The following ANAPC2 variants were observed in gnomAD, a reference collection of about 807,000 sequenced individuals.
The protein encoded by ANAPC2 is anaphase promoting complex subunit 2.
In ANAPC2, 29 loss-of-function variants were observed where a neutral mutation model predicts 84.3. That is an observed-to-expected ratio of 0.34 (90% CI 0.26 to 0.47). The LOEUF is 0.47. ANAPC2 is among the 20% of genes least tolerant of loss of function. ANAPC2 has a pLI of 1.00. For synonymous variants in ANAPC2, 571 were observed against 479.4 expected, an observed-to-expected ratio of 1.19 and a Z score of -2.50; for missense variants, 857 against 1,131.7, an observed-to-expected ratio of 0.76 and a Z score of 3.48.
In ANAPC2 at chr9:137,175,172, C is replaced by G; in HGVS notation, c.2257-18G>C. ...CAGAAGAGCTGCGGACACAGGCCAG[C>G]CCCCGTCAGGCACCTGCAGGCCTCG... On this transcript the variant is annotated intron_variant, in intron 12 of 12. Coordinates refer to ENST00000323927, the MANE Select transcript of ANAPC2 (RefSeq NM_013366.4). 1 of 1,602,878 alleles carries G rather than the reference C, an allele frequency of 6.2e-7. No individual in the cohort carries two copies. The highest frequency in any genetic ancestry group is 8.5e-7 in the Non-Finnish European group (1 of 1,175,414).
chr9:137,188,200 G>A, intron 1 of ANAPC2, 97 bp from the exon 2 acceptor site: 1 of 1,465,748 alleles, frequency 6.8e-7, no homozygotes, highest in Non-Finnish European at 9.1e-7. Flanking sequence ...CAAAAACTCC[G>A]CTGCCCCCTG....
At chr9:137,180,605 GC>G (rs1834323560) in intron 8 of ANAPC2, 78 bp from the exon 9 acceptor site, 4 of 1,593,002 alleles carry the variant, frequency 2.5e-6, no homozygotes, top group Non-Finnish European at 3.4e-6. Flanking sequence ...GCACGGGGGT[GC>G]CCCCCAGGCA....
In ANAPC2 at chr9:137,180,819, G is replaced by A. The variant is rs141269608; in HGVS notation, c.1579C>T (p.Leu527=). The change falls in exon 8 of 13, where the codon CTG becomes TTG. Residue 527 remains leucine, a synonymous_variant. Transcript: ENST00000323927. The part of the protein sequence containing the change: ...NEYRSLLADR[L]LHQFSFSPER... ...GGGCTGAAGCTGAACTGGTGCAGCA[G>A]GCGGTCGGCCAGCAGCGAGCGGTAC... 3.6e-4 allele frequency: 574 copies of A among 1,612,580 alleles called. 10 individuals carry two copies. The South Asian group carries it at 6.0e-3, about 17-fold the overall frequency.
In ANAPC2 at chr9:137,186,261, C is replaced by A. The variant is rs1834466757; in HGVS notation, c.836G>T (p.Gly279Val). 6.2e-7 allele frequency: 1 copy of A among 1,612,600 alleles called. No homozygotes were observed. The highest frequency in any genetic ancestry group is 8.5e-7 in the Non-Finnish European group (1 of 1,179,978). Residue 279 changes from glycine to valine, a missense_variant, in exon 3 of 13, where the codon GGC (glycine) becomes GTC (valine). Physicochemically the swap from Gly to Val is moderately radical, Grantham distance 109. Around this residue, in one of 3 missense-constraint regions of ANAPC2, gnomAD observed 428 missense variants for 513.8 expected, o/e 0.83. Coordinates refer to ENST00000323927, the MANE Select transcript of ANAPC2 (RefSeq NM_013366.4). The part of the protein sequence containing the change: ...TRERMEDRCR[G>V]EYERSFLREF... ...ACGCAGGAAGGAGCGCTCGTACTCG[C>A]CCCGGCAACGGTCCTCCATCCTCTC...
At position 137,188,539 on chromosome 9, in the gene ANAPC2, C is replaced by T. The variant is rs769058672; in HGVS notation, c.-7G>A. On this transcript the variant is annotated 5_prime_UTR_variant, in exon 1 of 13. Coordinates refer to ENST00000323927, the MANE Select transcript of ANAPC2 (RefSeq NM_013366.4). ...CCACAACTGCCGCCGCCATCTGCAC[C>T]CACCGACTCCGAGATTCGCTCGGCG... 1.2e-6 allele frequency: 2 copies of T among 1,602,994 alleles called. No individual in the cohort carries two copies. The highest frequency in any genetic ancestry group is 1.1e-5 in the South Asian group (1 of 90,500).
chr9:137,179,836 C>T (rs1057059472), intron 10 of ANAPC2, among the ~76,000 whole-genome samples: 2 of 152,226 alleles, frequency 1.3e-5, no homozygotes, highest in African/African-American at 4.8e-5. Flanking sequence ...TTCTGAGAGG[C>T]AGAGGGTGGA....
At chr9:137,180,610 C>A in intron 8 of ANAPC2, 83 bp from the exon 9 acceptor site, 2 of 1,590,700 alleles carry the variant, frequency 1.3e-6, no homozygotes, top group Non-Finnish European at 1.7e-6. Flanking sequence ...GGGGTGCCCC[C>A]CAGGCAGAGC....
In ANAPC2 at chr9:137,174,841, A is replaced by G. The variant is rs1490946934; in HGVS notation, c.*101T>C. On this transcript the variant is annotated 3_prime_UTR_variant, in exon 13 of 13. Transcript: ENST00000323927. This position sits in a 1 kb window ranked among gnomAD's most constrained non-coding sequence, Gnocchi z 6.1. The stretch of plus-strand genomic sequence containing the variant: ...GGGGGTGGGGGTGGGCATGCTCCTC[A>G]GCAGTGCATTCTGGGACACGGGCGG... 3.5e-6 allele frequency: 5 copies of G among 1,423,008 alleles called. No individual in the cohort carries two copies. Among genetic ancestry groups the G allele is most frequent in the Non-Finnish European group, 4.6e-6 (5 of 1,079,666 alleles). The allele number at this position is 1,423,008 out of a possible 1,614,324, so 88.1% of individuals were successfully genotyped here. A position where few individuals can be genotyped will look rare whatever the true frequency, so the allele number is the denominator to read the frequency against.
At chr9:137,183,414 G>A in intron 5 of ANAPC2, 172 bp from the exon 6 acceptor site, 1 of 755,154 alleles carries the variant, frequency 1.3e-6, no homozygotes. Flanking sequence ...GTCCCGCCCT[G>A]CAGGGAGGTC....
chr9:137,184,485 C>A (rs1382649135), intron 4 of ANAPC2, among the ~76,000 whole-genome samples: 2 of 130,334 alleles, frequency 1.5e-5, no homozygotes, highest in South Asian at 5.0e-4. Flanking sequence ...AGAGCAGACA[C>A]GGCGAAGGCA....
chr9:137,176,774 C>G (rs967735063), intron 10 of ANAPC2: 5 of 152,276 alleles, frequency 3.3e-5, no homozygotes, highest in African/African-American at 1.2e-4. Flanking sequence ...GGCTGCTGCT[C>G]TGCTGTTGGG....
rs1215735048 is a variant in ANAPC2 at position 137,175,164 on chromosome 9, C to T, written c.2257-10G>A. The T allele has an allele frequency of 1.2e-6, 2 of 1,604,192 alleles. No individual in the cohort carries two copies. Among genetic ancestry groups the T allele is most frequent in the Admixed American group, 1.7e-5 (1 of 59,130 alleles). ...TGTACGTCCAGAAGAGCTGCGGACA[C>T]AGGCCAGCCCCCGTCAGGCACCTGC... On this transcript the variant is annotated splice_polypyrimidine_tract_variant and intron_variant, in intron 12 of 12. Transcript: ENST00000323927.
At chr9:137,180,120 G>A (rs1834310387) in intron 10 of ANAPC2, 61 bp downstream of exon 10, 1 of 1,537,920 alleles carries the variant, frequency 6.5e-7, no homozygotes. Flanking sequence ...AGGCTGCTGG[G>A]AGCCCCGCAG....
chr9:137,180,123 C>A, intron 10 of ANAPC2, 58 bp downstream of exon 10: 1 of 1,552,920 alleles, frequency 6.4e-7, no homozygotes, highest in Non-Finnish European at 8.8e-7. Flanking sequence ...CTGCTGGGAG[C>A]CCCGCAGTGC....
Position 137,175,431 on chromosome 9 carries a change from G to C in ANAPC2, c.2062C>G (p.Pro688Ala). 1 of 1,601,264 alleles carries C rather than the reference G, an allele frequency of 6.2e-7. No individual in the cohort carries two copies. Among genetic ancestry groups the C allele is most frequent in the East Asian group, 2.3e-5 (1 of 44,208 alleles). The change falls in exon 12 of 13, where the codon CCC becomes GCC. Residue 688 changes from proline to alanine, a missense_variant. Around this residue, in one of 3 missense-constraint regions of ANAPC2, gnomAD observed 425 missense variants for 595.5 expected, o/e 0.71. Coordinates refer to ENST00000323927, the MANE Select transcript of ANAPC2 (RefSeq NM_013366.4). ...LEELSKAVKM[P>A]VALLRRRMSV... ...ATCCGCCGCCGCAGCAGCGCCACGG[G>C]CATCTTCACCGCCTTGCTCAGTTCC...
Position 137,180,253 on chromosome 9 carries a change from G to C in ANAPC2, c.1818C>G (p.Asp606Glu). ...LSSEFWPPFK[D>E]EKLEVPEDIR... is the part of the protein sequence containing the mutation. The stretch of plus-strand genomic sequence containing the variant: ...TATCCTCGGGGACCTCCAGCTTCTC[G>C]TCCTTGAAGGGCGGCCAGAACTCAC... The change falls in exon 10 of 13, where the codon GAC becomes GAG. Residue 606 changes from aspartate to glutamate, a missense_variant. Asp to Glu is a conservative substitution (Grantham distance 45). Around this residue, in one of 3 missense-constraint regions of ANAPC2, gnomAD observed 425 missense variants for 595.5 expected, o/e 0.71. Transcript: ENST00000323927. 1 of 1,613,790 alleles carries C rather than the reference G, an allele frequency of 6.2e-7. No homozygotes were observed. Among genetic ancestry groups the C allele is most frequent in the Non-Finnish European group, 8.5e-7 (1 of 1,180,020 alleles).
chr9:137,188,207 C>T, intron 1 of ANAPC2, 104 bp from the exon 2 acceptor site: 1 of 1,442,172 alleles, frequency 6.9e-7, no homozygotes, highest in Non-Finnish European at 9.3e-7. Context: ...TCCGCTGCCC[C>T]CTGTCCGTGC....
In ANAPC2 at chr9:137,175,324, G is replaced by C. The variant is rs778782491; in HGVS notation, c.2169C>G (p.Asp723Glu). ...FSVIEEERPQ[D>E]RDNMVLIDSD... ...TGTCAATGAGCACCATGTTGTCCCG[G>C]TCCTGAGGCCGCTCCTCCTCAATGA... is the stretch of plus-strand genomic sequence containing the variant. Residue 723 changes from aspartate to glutamate, a missense_variant, in exon 12 of 13, where the codon GAC becomes GAG. By Grantham distance (45) the Asp-to-Glu change is conservative. Coordinates refer to ENST00000323927, the MANE Select transcript of ANAPC2 (RefSeq NM_013366.4). The C allele has an allele frequency of 3.7e-6, 6 of 1,612,682 alleles. No homozygotes were observed. The highest frequency in any genetic ancestry group is 5.1e-6 in the Non-Finnish European group (6 of 1,179,896).
chr9:137,184,574 C>T (rs1834418278), intron 4 of ANAPC2, among the ~76,000 whole-genome samples: 3 of 136,710 alleles, frequency 2.2e-5, no homozygotes, highest in African/African-American at 8.5e-5. Context: ...GGAGCCCAGA[C>T]GCAGACAGAG....
Sources: allele counts gnomAD v4.1 joint callset (sites outside exome capture counted in the v4.1 genomes callset), GRCh38; gene constraint gnomAD v4.1.1; regional missense constraint gnomAD v4.1.1; non-coding constraint Gnocchi (gnomAD v3.1); transcripts MANE v1.5; gene names NCBI Gene and HGNC (gene_info 2026-07-23, HGNC 2026-07-21).